DLC1: variants seen among roughly 807,000 people sequenced by gnomAD.
DLC1 encodes the protein rho GTPase-activating protein 7.
A neutral mutation model predicts 140.3 loss-of-function variants in DLC1; 54 were observed. The observed-to-expected ratio is 0.38, with a 90% CI of 0.31 to 0.48. The LOEUF (loss-of-function observed/expected upper bound fraction) is 0.48, where lower values mean the gene tolerates loss of function less well. DLC1 is among the 20% of genes least tolerant of loss of function. The pLI, the probability that DLC1 is intolerant of heterozygous loss-of-function variation, is 0.96. For missense variants in DLC1, 2,536 were observed against 1,907.0 expected, an observed-to-expected ratio of 1.33 and a Z score of -6.14; for synonymous variants, 986 against 728.1, an observed-to-expected ratio of 1.35 and a Z score of -5.70.
intron 5 of DLC1, chr8:13,133,328 GC>G: frequency 1.7e-6 from 2 of 1,176,774 alleles, no homozygotes; most frequent in Non-Finnish European, 1.1e-6. Flanking sequence ...CTCCCGCTGG[GC>G]CCACCCCCCG....
intron 2 of DLC1, among the ~76,000 whole-genome samples, chr8:13,479,343 C>G (rs1390999792): frequency 1.3e-5 from 2 of 152,002 alleles, no homozygotes; most frequent in African/African-American, 4.8e-5. Flanking sequence ...TCAAGAAGAT[C>G]TCACAATAAG....
chr8:13,345,763 T>G (rs971659565), intron 4 of DLC1, among the ~76,000 whole-genome samples: 6 of 152,048 alleles, frequency 3.9e-5, no homozygotes, highest in Non-Finnish European at 5.9e-5. Flanking sequence ...TTCACCATGT[T>G]GGCCAGGCTG....
intron 1 of DLC1, among the ~76,000 whole-genome samples, chr8:13,508,671 G>A (rs1802222910): frequency 6.6e-6 from 1 of 152,060 alleles, no homozygotes; most frequent in African/African-American, 2.4e-5. Context: ...GCCCACCTCG[G>A]CCTCCCAAAG....
chr8:13,443,343 T>TAAA (rs58765529), intron 2 of DLC1, among the ~76,000 whole-genome samples: 6 of 123,242 alleles, frequency 4.9e-5, no homozygotes, highest in Admixed American at 8.3e-5. Flanking sequence ...CCCTAAAACT[T>TAAA]AAAAAAAAAA....
chr8:13,440,547 C>G (rs1312555457), intron 2 of DLC1, among the ~76,000 whole-genome samples: 2 of 145,456 alleles, frequency 1.4e-5, no homozygotes, highest in African/African-American at 2.5e-5. Flanking sequence ...TTTTTTTTTT[C>G]TGAGATGAAA....
chr8:13,161,889 G>A (rs146979095), intron 5 of DLC1, among the ~76,000 whole-genome samples: 21 of 152,228 alleles, frequency 1.4e-4, no homozygotes, highest in African/African-American at 5.1e-4. Context: ...AGACATAAGG[G>A]ACAAAATATC....
chr8:13,143,372 T>C (rs1281761571), intron 5 of DLC1, among the ~76,000 whole-genome samples: 1 of 152,218 alleles, frequency 6.6e-6, no homozygotes, highest in Non-Finnish European at 1.5e-5. Context: ...ACCCAGGTGA[T>C]GCTTTTTGAC....
At chr8:13,542,237 G>A (rs914145955) in intron 1 of DLC1, among the ~76,000 whole-genome samples, 2 of 152,104 alleles carry the variant, frequency 1.3e-5, no homozygotes, top group African/African-American at 4.8e-5. Flanking sequence ...ACTGTCTGTG[G>A]TATAAAGAGC....
At chr8:13,564,919 G>C (rs535119054) in intron 1 of DLC1, among the ~76,000 whole-genome samples, 11 of 152,258 alleles carry the variant, frequency 7.2e-5, no homozygotes, top group African/African-American at 2.2e-4. Flanking sequence ...ACCACAAGCA[G>C]CCTTCAGCCA....
At chr8:13,567,321 A>T in intron 1 of DLC1, 1 of 1,551,724 alleles carries the variant, frequency 6.4e-7, no homozygotes, top group South Asian at 1.2e-5. Flanking sequence ...TTCCAACAGA[A>T]ATCACTCGGG....
Position 13,201,921 on chromosome 8 carries a change from G to T in DLC1, c.1349-86264C>A, listed in dbSNP as rs112586431. Among the ~76,000 whole-genome samples, 135 of 101,772 alleles carry T rather than the reference G, an allele frequency of 1.3e-3. 1 individual carries two copies. The highest frequency in any genetic ancestry group is 4.2e-3 in the African/African-American group (117 of 27,578). The allele number at this position is 101,772 out of a possible 152,430, so 66.8% of individuals were successfully genotyped here. ...AGGTACTAAGTCTAGTACCCAAAAGGTTTTTTTTTTTTTTTTTTTTTTGGT... is the reference window on the plus strand; with the variant it reads ...AGGTACTAAGTCTAGTACCCAAAAGTTTTTTTTTTTTTTTTTTTTTTTGGT... On this transcript the variant is annotated intron_variant, in intron 5 of 17. Transcript: ENST00000276297.
intron 5 of DLC1, among the ~76,000 whole-genome samples, chr8:13,254,391 A>T (rs1233941016): frequency 6.6e-6 from 1 of 152,122 alleles, no homozygotes. Flanking sequence ...TCTGTTTTCT[A>T]TGTGTACCCT....
chr8:13,346,603 T>C (rs1834354083), intron 4 of DLC1, among the ~76,000 whole-genome samples: 1 of 152,212 alleles, frequency 6.6e-6, no homozygotes, highest in Non-Finnish European at 1.5e-5. Flanking sequence ...CCACAAGAAC[T>C]TGATGGCAAA....
intron 4 of DLC1, among the ~76,000 whole-genome samples, chr8:13,368,308 C>T (rs564231265): frequency 1.3e-5 from 2 of 152,228 alleles, no homozygotes; most frequent in South Asian, 4.2e-4. Flanking sequence ...TCATACGTTC[C>T]TTTCTTCCCT....
At chr8:13,226,087 G>C (rs115518402) in intron 5 of DLC1, among the ~76,000 whole-genome samples, 2,368 of 151,872 alleles carry the variant, frequency 0.016, 72 homozygotes, top group African/African-American at 0.054. Context: ...TACTTTTTTT[G>C]ATTTTTAGTG....
At chr8:13,123,134 C>G (rs1227827983) in intron 5 of DLC1, among the ~76,000 whole-genome samples, 1 of 152,164 alleles carries the variant, frequency 6.6e-6, no homozygotes, top group Non-Finnish European at 1.5e-5. Context: ...TTCCTAAGGG[C>G]TATTGCAAGG....
intron 1 of DLC1, among the ~76,000 whole-genome samples, chr8:13,589,101 A>G (rs1200466034): frequency 6.6e-6 from 1 of 152,074 alleles, no homozygotes; most frequent in South Asian, 2.1e-4. Flanking sequence ...AGTTCTTGCC[A>G]AGTTTTTCTT....
At chr8:13,093,152 A>T (rs1323566977) in intron 12 of DLC1, among the ~76,000 whole-genome samples, 1 of 152,182 alleles carries the variant, frequency 6.6e-6, no homozygotes, top group Non-Finnish European at 1.5e-5. Flanking sequence ...AAGCATGAAA[A>T]AAAAAAATCC....
chr8:13,143,850 G>GACAT (rs1554584140), intron 5 of DLC1, among the ~76,000 whole-genome samples: 11 of 147,754 alleles, frequency 7.4e-5, no homozygotes, highest in African/African-American at 2.4e-4. Flanking sequence ...GAGAGAGAGA[G>GACAT]AGACATAGAC....
Sources: gnomAD v4.1 joint callset for allele counts (sites outside exome capture counted in the v4.1 genomes callset) on GRCh38, gnomAD v4.1.1 for gene constraint, MANE v1.5 for transcripts, NCBI Gene and HGNC (gene_info 2026-07-23, HGNC 2026-07-21) for gene names.